CREB5: variants seen among roughly 807,000 people sequenced by gnomAD.
CREB5 encodes the protein cAMP responsive element binding protein 5, also known as cyclic AMP-responsive element-binding protein 5.
A neutral mutation model predicts 57.1 loss-of-function variants in CREB5; 19 were observed. The observed-to-expected ratio is 0.33, with a 90% CI of 0.23 to 0.49. The LOEUF (loss-of-function observed/expected upper bound fraction) is 0.49, where lower values mean the gene tolerates loss of function less well. Ranked by LOEUF, CREB5 falls within the 20% of genes least tolerant of loss-of-function variation. The pLI is 0.99. For synonymous variants in CREB5, 238 were observed against 238.3 expected (o/e 1.00, Z 0.01); for missense variants, 579 against 671.6 (o/e 0.86, Z 1.52).
chr7:28,606,369 A>G (rs1797130812), intron 5 of CREB5, among the ~76,000 whole-genome samples: 1 of 150,626 alleles, frequency 6.6e-6, no homozygotes, highest in Admixed American at 6.6e-5. Context: ...CTACTTATTA[A>G]AAAGTGTGAA....
At chr7:28,764,673 A>G (rs1228586647) in intron 7 of CREB5, among the ~76,000 whole-genome samples, 2 of 152,230 alleles carry the variant, frequency 1.3e-5, no homozygotes, top group African/African-American at 2.4e-5. Context: ...CTATCTCCCT[A>G]TGAGAAATAA....
chr7:28,812,846 G>A (rs1352500833), intron 9 of CREB5, among the ~76,000 whole-genome samples: 2 of 152,192 alleles, frequency 1.3e-5, no homozygotes, highest in Non-Finnish European at 2.9e-5. Flanking sequence ...AAACAGAAAT[G>A]GAAGGTGCTA....
chr7:28,720,627 A>C (rs1421626614), intron 6 of CREB5, among the ~76,000 whole-genome samples: 1 of 152,152 alleles, frequency 6.6e-6, no homozygotes, highest in Non-Finnish European at 1.5e-5. Flanking sequence ...TCCAGATTAG[A>C]AACAGTCTTT....
intron 1 of CREB5, among the ~76,000 whole-genome samples, chr7:28,416,091 T>A (rs967963999): frequency 6.6e-6 from 1 of 152,204 alleles, no homozygotes; most frequent in African/African-American, 2.4e-5. Flanking sequence ...GTATTTAAGA[T>A]GGGGAATAAC....
chr7:28,560,941 C>CGCGTGCGT lies in CREB5; in HGVS notation c.292-9423_292-9422insCGTGCGTG, dbSNP rs1795201744. On this transcript the variant is annotated intron_variant, in intron 4 of 10. Transcript: ENST00000357727. ...GTGTGTGCGCGTGCGTGTGTGCGTG[C>CGCGTGCGT]GTGTGTGTGCGTGTGTGTGCGTGTG... Among the ~76,000 whole-genome samples the CGCGTGCGT allele has an allele frequency of 7.2e-4, 32 of 44,672 alleles. 1 individual carries two copies. The highest frequency in any genetic ancestry group is 1.1e-3 in the Non-Finnish European group (27 of 24,352). The allele number at this position is 44,672 out of a possible 152,430, so 29.3% of individuals were successfully genotyped here. A position where few individuals can be genotyped will look rare whatever the true frequency, so the allele number is the denominator to read the frequency against.
chr7:28,588,498 T>C (rs1218935548), intron 5 of CREB5, among the ~76,000 whole-genome samples: 1 of 152,224 alleles, frequency 6.6e-6, no homozygotes, highest in African/African-American at 2.4e-5. Context: ...ACATCACATA[T>C]GTGCAGCTTC....
chr7:28,386,882 C>G (rs1319502287), intron 1 of CREB5, among the ~76,000 whole-genome samples: 1 of 152,164 alleles, frequency 6.6e-6, no homozygotes, highest in Middle Eastern at 3.2e-3. Context: ...CCAGCTCCAC[C>G]CATGTCCCTG....
chr7:28,611,090 C>A (rs994755529), intron 5 of CREB5, among the ~76,000 whole-genome samples: 1 of 151,990 alleles, frequency 6.6e-6, no homozygotes, highest in South Asian at 2.1e-4. Context: ...CTTAAACTTA[C>A]AGGAAGAGTT....
At chr7:28,638,340 A>G (rs941425822) in intron 5 of CREB5, among the ~76,000 whole-genome samples, 1 of 10,708 alleles carries the variant, frequency 9.3e-5, no homozygotes, top group African/African-American at 1.1e-3. Flanking sequence ...GAAGGTTTGC[A>G]TATTCTTTTT....
chr7:28,363,366 GCTGACC>G (rs1298706903), intron 1 of CREB5, among the ~76,000 whole-genome samples: 1 of 152,084 alleles, frequency 6.6e-6, no homozygotes, highest in Non-Finnish European at 1.5e-5. Context: ...ATTTTGGGAT[GCTGACC>G]CTGAATGGAG....
chr7:28,783,291 G>C (rs944222022), intron 7 of CREB5, among the ~76,000 whole-genome samples: 1 of 152,138 alleles, frequency 6.6e-6, no homozygotes, highest in African/African-American at 2.4e-5. Flanking sequence ...TTTGCTGCTT[G>C]ATTAGCCAGC....
intron 1 of CREB5, among the ~76,000 whole-genome samples, chr7:28,403,437 T>A (rs973759058): frequency 6.6e-6 from 1 of 152,224 alleles, no homozygotes; most frequent in African/African-American, 2.4e-5. Context: ...AAGACTATTT[T>A]TTCAGTAACT....
intron 5 of CREB5, among the ~76,000 whole-genome samples, chr7:28,582,619 A>G (rs1367745530): frequency 6.6e-6 from 1 of 152,100 alleles, no homozygotes; most frequent in Non-Finnish European, 1.5e-5. Context: ...GATGGGTCTC[A>G]TTTTTCTTGT....
intron 3 of CREB5, among the ~76,000 whole-genome samples, chr7:28,496,953 T>A (rs1023592968): frequency 6.6e-6 from 1 of 152,246 alleles, no homozygotes; most frequent in Non-Finnish European, 1.5e-5. Flanking sequence ...CGTTATGTTC[T>A]ATAGAGTCAA....
chr7:28,325,882 A>G (rs192924342), intron 1 of CREB5, among the ~76,000 whole-genome samples: 1 of 152,306 alleles, frequency 6.6e-6, no homozygotes, highest in African/African-American at 2.4e-5. Flanking sequence ...AATTGTTCCA[A>G]ACTTGGGTAT....
chr7:28,397,422 C>G (rs1220345617), intron 1 of CREB5, among the ~76,000 whole-genome samples: 1 of 152,164 alleles, frequency 6.6e-6, no homozygotes, highest in African/African-American at 2.4e-5. Context: ...GTTTGGCCCT[C>G]TTGGGTTAGA....
intron 1 of CREB5, among the ~76,000 whole-genome samples, chr7:28,466,266 A>G (rs192355045): frequency 2.3e-4 from 34 of 150,892 alleles, no homozygotes; most frequent in African/African-American, 7.3e-4. Flanking sequence ...TTGGTACTTC[A>G]TAAAAATCGG....
chr7:28,525,351 A>G (rs986014903), intron 4 of CREB5, among the ~76,000 whole-genome samples: 6 of 152,136 alleles, frequency 3.9e-5, no homozygotes, highest in Non-Finnish European at 8.8e-5. Context: ...CAGTAGTGAG[A>G]TTGCTGGATC....
chr7:28,637,758 CT>C (rs1798480711), intron 5 of CREB5, among the ~76,000 whole-genome samples: 3 of 152,202 alleles, frequency 2.0e-5, no homozygotes, highest in Admixed American at 6.5e-5. Flanking sequence ...AGTCCTTCAA[CT>C]TCTACAAGTC....
Sources: gnomAD v4.1 joint callset for allele counts (sites outside exome capture counted in the v4.1 genomes callset) on GRCh38, gnomAD v4.1.1 for gene constraint, MANE v1.5 for transcripts, NCBI Gene and HGNC (gene_info 2026-07-23, HGNC 2026-07-21) for gene names.